STARD9: variants seen among roughly 807,000 people sequenced by gnomAD.
STARD9 encodes stAR-related lipid transfer protein 9.
STARD9 carries 346 observed loss-of-function variants against 399.8 expected under a neutral mutation model. That is an observed-to-expected ratio of 0.87 (90% CI 0.79 to 0.95). The LOEUF (loss-of-function observed/expected upper bound fraction) is 0.95, where lower values mean the gene tolerates loss of function less well. Ranked by LOEUF, STARD9 falls within the 40% of genes least tolerant of loss-of-function variation. The pLI, the probability that STARD9 is intolerant of heterozygous loss-of-function variation, is 0.00. For missense variants in STARD9, 5,832 were observed against 5,667.5 expected (o/e 1.03, Z -0.93); for synonymous variants, 2,203 against 2,143.5 (o/e 1.03, Z -0.77).
rs2060268040 is a variant in STARD9, at chr15:42,674,465, T to C, written c.1523T>C (p.Ile508Thr). ...GAAGGGACAACAAAAATAGGAAGGA[T>C]TGACTCAGACCAGGAACAGGACATT... ...LKEGTTKIGR[I>T]DSDQEQDIVL... Residue 508 changes from isoleucine to threonine, a missense_variant, in exon 17 of 33, where the codon ATT becomes ACT. By Grantham distance (89) the Ile-to-Thr change is moderately conservative (BLOSUM62 -1). Transcript: ENST00000290607. The C allele has an allele frequency of 1.3e-6, 2 of 1,537,062 alleles. No individual in the cohort carries two copies. The highest frequency in any genetic ancestry group is 1.7e-4 in the Middle Eastern group (1 of 6,012).
intron 9 of STARD9, among the ~76,000 whole-genome samples, chr15:42,652,831 T>A (rs973625028): frequency 6.6e-6 from 1 of 152,040 alleles, no homozygotes. Flanking sequence ...GACGCCACCA[T>A]GCCCGGCTAA....
chr15:42,675,810 GC>G (rs1267734306), intron 19 of STARD9, 61 bp from the exon 20 acceptor site: 1 of 1,534,462 alleles, frequency 6.5e-7, no homozygotes, highest in East Asian at 2.4e-5. Context: ...TAGATGAAAA[GC>G]CAAGCTGGGA....
chr15:42,709,783 C>G (rs2061171535), intron 26 of STARD9, among the ~76,000 whole-genome samples: 1 of 152,178 alleles, frequency 6.6e-6, no homozygotes, highest in African/African-American at 2.4e-5. Flanking sequence ...TGTATCTTAC[C>G]TGTAAAAATT....
intron 3 of STARD9, among the ~76,000 whole-genome samples, chr15:42,606,432 C>G (rs2058724032): frequency 6.6e-6 from 1 of 152,166 alleles, no homozygotes; most frequent in Non-Finnish European, 1.5e-5. Flanking sequence ...GCCCCTCTCT[C>G]TGAGATGTGC....
chr15:42,699,783 T>G (rs1445564699), intron 26 of STARD9, among the ~76,000 whole-genome samples: 1 of 152,090 alleles, frequency 6.6e-6, no homozygotes, highest in African/African-American at 2.4e-5. Context: ...CTTGGCTCAC[T>G]GCAACCTCCG....
At chr15:42,634,543 T>C (rs1276945824) in intron 3 of STARD9, among the ~76,000 whole-genome samples, 3 of 152,216 alleles carry the variant, frequency 2.0e-5, no homozygotes, top group Non-Finnish European at 4.4e-5. Flanking sequence ...TACAGAATTA[T>C]TTTGCTTGCA....
Position 42,718,012 on chromosome 15 carries a change from A to G in STARD9, c.13595A>G (p.Tyr4532Cys). Reference sequence around the variant, plus strand: ...GAGGAGCAGGCGGTGCAGCTTTACTACAAGGTGTTTTCTCCCACTCGGCAT... The same window carrying G: ...GAGGAGCAGGCGGTGCAGCTTTACTGCAAGGTGTTTTCTCCCACTCGGCAT... ...QGEEQAVQLY[Y>C]KVFSPTRHGF... Residue 4532 changes from tyrosine to cysteine, a missense_variant, in exon 30 of 33, where the codon TAC becomes TGC. Tyr to Cys is a radical substitution (Grantham distance 194). Coordinates refer to ENST00000290607, the MANE Select transcript of STARD9 (RefSeq NM_020759.3). The G allele has an allele frequency of 6.5e-7, 1 of 1,537,054 alleles. No individual in the cohort carries two copies. Among genetic ancestry groups the G allele is most frequent in the Admixed American group, 2.0e-5 (1 of 50,984 alleles).
At position 42,682,497 on chromosome 15, in the gene STARD9, C is replaced by A; in HGVS notation, c.2459C>A (p.Pro820Gln). The change falls in exon 22 of 33, where the codon CCA (proline) becomes CAA (glutamine). Residue 820 changes from proline to glutamine, a missense_variant. By Grantham distance (76) the Pro-to-Gln change is moderately conservative. Transcript: ENST00000290607. ...LSPDATVPRP[P>Q]CRSKLTSCSS... Reference sequence around the variant, plus strand: ...CCTGATGCCACAGTCCCACGGCCTCCATGTAGAAGCAAATTGACGAGTTGC... The same window carrying A: ...CCTGATGCCACAGTCCCACGGCCTCAATGTAGAAGCAAATTGACGAGTTGC... 6.5e-7 allele frequency: 1 copy of A among 1,537,218 alleles called. No homozygotes were observed.
intron 9 of STARD9, 65 bp downstream of exon 9, chr15:42,652,657 T>A (rs1274693118): frequency 1.5e-6 from 2 of 1,356,294 alleles, no homozygotes; most frequent in Non-Finnish European, 2.0e-6. Flanking sequence ...CACTTTCTTG[T>A]CTTCCTTCCT....
intron 4 of STARD9, among the ~76,000 whole-genome samples, chr15:42,635,238 C>T (rs1399821889): frequency 3.8e-5 from 5 of 132,020 alleles, no homozygotes; most frequent in African/African-American, 5.6e-5. Context: ...CCAGCCTGGG[C>T]AACAAGAGCA....
In STARD9 at chr15:42,689,586, G is replaced by C. The variant is rs1180537517; in HGVS notation, c.8008G>C (p.Ala2670Pro). The change falls in exon 23 of 33, where the codon GCT becomes CCT. Residue 2670 changes from alanine to proline, a missense_variant. Coordinates refer to ENST00000290607, the MANE Select transcript of STARD9 (RefSeq NM_020759.3). The part of the protein sequence containing the change: ...WDPVQAFSHA[A>P]PAQDRKRRTG... ...TCCTGTGCAGGCTTTCTCCCATGCT[G>C]CTCCTGCTCAAGACAGGAAACGTCG... The C allele has an allele frequency of 1.3e-6, 2 of 1,537,208 alleles. No homozygotes were observed. Among genetic ancestry groups the C allele is most frequent in the African/African-American group, 2.7e-5 (2 of 73,046 alleles).
chr15:42,695,932 G>T, intron 26 of STARD9, 52 bp downstream of exon 26: 1 of 1,511,672 alleles, frequency 6.6e-7, no homozygotes, highest in Non-Finnish European at 8.8e-7. Context: ...GCCAAGGCAA[G>T]AGTTTGAGCA....
rs1434138800 is a variant in STARD9, at chr15:42,665,339, ACAGT to A, written c.1254+13_1254+16del. On this transcript the variant is annotated intron_variant, in intron 14 of 32. Transcript: ENST00000290607. ...TGCTGAGCTTTGAACTGGTATGCAGACAGTCAGAACCTTTCCGTACTTAAGTGAA... is the reference window on the plus strand; with the variant it reads ...TGCTGAGCTTTGAACTGGTATGCAGACAGAACCTTTCCGTACTTAAGTGAA... 3.3e-6 allele frequency: 5 copies of A among 1,534,264 alleles called. No individual in the cohort carries two copies. The highest frequency in any genetic ancestry group is 3.9e-5 in the Admixed American group (2 of 50,976).
intron 3 of STARD9, among the ~76,000 whole-genome samples, chr15:42,607,965 A>G (rs2058771467): frequency 2.0e-5 from 3 of 152,164 alleles, no homozygotes; most frequent in Admixed American, 6.5e-5. Context: ...GTTGTCACTA[A>G]CAAGTAATTG....
intron 6 of STARD9, 126 bp downstream of exon 6, chr15:42,638,213 AT>A: frequency 3.6e-6 from 3 of 834,892 alleles, no homozygotes; most frequent in Non-Finnish European, 5.7e-6. Context: ...CAGAAGAAAT[AT>A]CTTGCAGTAC....
chr15:42,655,261 A>G (rs1186568889), intron 9 of STARD9, among the ~76,000 whole-genome samples: 5 of 152,248 alleles, frequency 3.3e-5, no homozygotes, highest in African/African-American at 7.2e-5. Flanking sequence ...CAGCCTGGGC[A>G]ACAGAGTGAG....
intron 26 of STARD9, among the ~76,000 whole-genome samples, chr15:42,699,656 A>G (rs548493255): frequency 1.4e-4 from 21 of 151,400 alleles, no homozygotes; most frequent in African/African-American, 3.2e-4. Flanking sequence ...GCCTCCCAAA[A>G]TGCTGGGATT....
chr15:42,683,505 T>A (rs1052413680), intron 22 of STARD9, among the ~76,000 whole-genome samples: 1 of 152,202 alleles, frequency 6.6e-6, no homozygotes, highest in Non-Finnish European at 1.5e-5. Flanking sequence ...TTGTGACAGC[T>A]ACCAAAATTA....
chr15:42,671,603 T>C (rs2060203173), intron 16 of STARD9: 1 of 152,046 alleles, frequency 6.6e-6, no homozygotes, highest in Non-Finnish European at 1.5e-5. Flanking sequence ...GAGCTAGTTT[T>C]TTTTTAAATA....
Sources: gnomAD v4.1 joint callset for allele counts (sites outside exome capture counted in the v4.1 genomes callset) on GRCh38, gnomAD v4.1.1 for gene constraint, MANE v1.5 for transcripts, NCBI Gene and HGNC (gene_info 2026-07-23, HGNC 2026-07-21) for gene names.